HSPA12A: variants seen among roughly 807,000 people sequenced by gnomAD.
HSPA12A encodes the protein heat shock 70 kDa protein 12A.
In HSPA12A, 28 loss-of-function variants were observed where a neutral mutation model predicts 69.2. The ratio of observed to expected loss-of-function variants is 0.40; its 90% CI spans 0.30 to 0.55. HSPA12A has a LOEUF of 0.55. HSPA12A is among the 20% of genes least tolerant of loss of function. The pLI is 0.38. For missense variants in HSPA12A, 686 were observed against 900.7 expected (o/e 0.76, Z 3.05); for synonymous variants, 345 against 370.5 (o/e 0.93, Z 0.79).
intron 1 of HSPA12A, among the ~76,000 whole-genome samples, chr10:116,733,882 G>C (rs66688522): frequency 3.9e-5 from 6 of 151,902 alleles, no homozygotes; most frequent in Non-Finnish European, 7.4e-5. Context: ...TGGGTTTATA[G>C]GGACGTAACC....
intron 2 of HSPA12A, among the ~76,000 whole-genome samples, chr10:116,807,392 G>C (rs1236639583): frequency 6.6e-6 from 1 of 152,064 alleles, no homozygotes; most frequent in Admixed American, 6.5e-5. Flanking sequence ...TGCAGGCTTA[G>C]AGCTCATATC....
chr10:116,767,428 G>A (rs1554889888), intron 2 of HSPA12A, among the ~76,000 whole-genome samples: 1 of 152,134 alleles, frequency 6.6e-6, no homozygotes, highest in African/African-American at 2.4e-5. Flanking sequence ...GACAGGAGAG[G>A]GTCATCCACC....
chr10:116,817,054 T>C (rs1351520510), intron 2 of HSPA12A, among the ~76,000 whole-genome samples: 1 of 152,224 alleles, frequency 6.6e-6, no homozygotes, highest in Non-Finnish European at 1.5e-5. Flanking sequence ...TTAAACTGTA[T>C]TTCTTAGGCA....
intron 2 of HSPA12A, among the ~76,000 whole-genome samples, chr10:116,768,835 C>T (rs1564813160): frequency 6.6e-6 from 1 of 152,098 alleles, no homozygotes; most frequent in Non-Finnish European, 1.5e-5. Context: ...AGCCTGCTGA[C>T]ATCACCCTGA....
At chr10:116,724,779 T>C (rs1554884791) in intron 1 of HSPA12A, among the ~76,000 whole-genome samples, 1 of 152,184 alleles carries the variant, frequency 6.6e-6, no homozygotes, top group African/African-American at 2.4e-5. Flanking sequence ...CTGGGTGCCC[T>C]GCGGCCCAGA....
At chr10:116,707,163 A>G (rs781804045) in intron 2 of HSPA12A, 37 bp downstream of exon 2, 92 of 1,350,400 alleles carry the variant, frequency 6.8e-5, no homozygotes, top group African/African-American at 3.9e-4. Context: ...GCACACACAC[A>G]CACACACACA....
At chr10:116,721,357 C>G (rs1850770242) in intron 1 of HSPA12A, among the ~76,000 whole-genome samples, 1 of 152,160 alleles carries the variant, frequency 6.6e-6, no homozygotes, top group Non-Finnish European at 1.5e-5. Flanking sequence ...AAAGGCATCT[C>G]CCAGGTCTCC....
intron 2 of HSPA12A, among the ~76,000 whole-genome samples, chr10:116,807,355 C>T (rs1251730204): frequency 6.6e-6 from 1 of 152,014 alleles, no homozygotes; most frequent in Non-Finnish European, 1.5e-5. Flanking sequence ...TTTCTGGGTC[C>T]CTGGACCTGC....
chr10:116,799,307 T>C (rs1183104880), intron 2 of HSPA12A, among the ~76,000 whole-genome samples: 3 of 152,166 alleles, frequency 2.0e-5, no homozygotes, highest in African/African-American at 7.2e-5. Context: ...GGCCTTCTGT[T>C]CCTTCATCTA....
chr10:116,826,311 T>C (rs1378629053), intron 2 of HSPA12A, among the ~76,000 whole-genome samples: 1 of 152,204 alleles, frequency 6.6e-6, no homozygotes, highest in Non-Finnish European at 1.5e-5. Flanking sequence ...AATTACCAGC[T>C]CCTTCAAGGG....
At position 116,693,107 on chromosome 10, in the gene HSPA12A, T is replaced by C. The variant is rs1034552855; in HGVS notation, c.547-640A>G. ...GTCTGAGTTGTTACACGTGGTCCCA[T>C]AGGTAAACAGTGCCTGGCCCACAGT... On this transcript the variant is annotated intron_variant, in intron 5 of 11. Transcript: ENST00000369209. Among the ~76,000 whole-genome samples the C allele has an allele frequency of 2.6e-5, 4 of 152,148 alleles. No individual in the cohort carries two copies. In the East Asian group the frequency reaches 7.7e-4, roughly 29 times the overall value.
chr10:116,830,491 T>A (rs1277850447), intron 2 of HSPA12A: 2 of 152,184 alleles, frequency 1.3e-5, no homozygotes, highest in Admixed American at 1.3e-4. Context: ...TATGCATATA[T>A]GGGCTGGTTG....
At chr10:116,731,577 G>A (rs1851156357) in intron 1 of HSPA12A, among the ~76,000 whole-genome samples, 1 of 152,182 alleles carries the variant, frequency 6.6e-6, no homozygotes, top group Non-Finnish European at 1.5e-5. Context: ...TTTTACATGG[G>A]AGAAAGTAAT....
intron 2 of HSPA12A, among the ~76,000 whole-genome samples, chr10:116,814,488 T>C (rs1432118914): frequency 6.6e-6 from 1 of 152,186 alleles, no homozygotes; most frequent in Admixed American, 6.5e-5. Flanking sequence ...AGATGAACTT[T>C]TTCCCCCATG....
intron 1 of HSPA12A, among the ~76,000 whole-genome samples, chr10:116,727,703 T>C (rs1383068848): frequency 6.6e-6 from 1 of 151,522 alleles, no homozygotes; most frequent in Non-Finnish European, 1.5e-5. Context: ...TATTATAAAA[T>C]AGGCTTTGTG....
At chr10:116,780,081 C>A (rs1257357146) in intron 2 of HSPA12A, among the ~76,000 whole-genome samples, 1 of 152,204 alleles carries the variant, frequency 6.6e-6, no homozygotes, top group East Asian at 1.9e-4. Context: ...GGGCAAAGAT[C>A]CCGTTCATCC....
intron 2 of HSPA12A, among the ~76,000 whole-genome samples, chr10:116,812,704 C>T (rs1040205336): frequency 6.6e-6 from 1 of 151,962 alleles, no homozygotes; most frequent in Non-Finnish European, 1.5e-5. Flanking sequence ...CAAGGTGAGC[C>T]GACATTCTGC....
chr10:116,753,450 G>A (rs1843753846), intron 2 of HSPA12A, among the ~76,000 whole-genome samples: 1 of 152,218 alleles, frequency 6.6e-6, no homozygotes, highest in South Asian at 2.1e-4. Context: ...GTCTTTTGCT[G>A]TGTGGCTTTG....
intron 2 of HSPA12A, among the ~76,000 whole-genome samples, chr10:116,756,608 CCT>C (rs1327246322): frequency 6.6e-6 from 1 of 152,262 alleles, no homozygotes; most frequent in Non-Finnish European, 1.5e-5. Context: ...CCTGCAGCCG[CCT>C]CTCAGCCTGT....
Sources: allele counts gnomAD v4.1 joint callset (sites outside exome capture counted in the v4.1 genomes callset), GRCh38; gene constraint gnomAD v4.1.1; transcripts MANE v1.5; gene names NCBI Gene and HGNC (gene_info 2026-07-23, HGNC 2026-07-21).